Variants in RPS6KA2 observed in about 807,000 individuals in gnomAD.
RPS6KA2 encodes ribosomal protein S6 kinase A2.
Under a neutral mutation model 91.8 loss-of-function variants are expected in RPS6KA2, and 42 were observed. The observed-to-expected ratio is 0.46, with a 90% CI of 0.36 to 0.59. RPS6KA2 has a LOEUF of 0.59. Ranked by LOEUF, RPS6KA2 falls within the 20% of genes least tolerant of loss-of-function variation. The probability of loss-of-function intolerance (pLI) is 0.00; values close to 1 mark genes in which losing one functional copy is unlikely to be tolerated. For synonymous variants in RPS6KA2, 414 were observed against 393.6 expected (o/e 1.05, Z -0.61); for missense variants, 798 against 978.5 (o/e 0.82, Z 2.46).
intron 2 of RPS6KA2, among the ~76,000 whole-genome samples, chr6:166,812,761 T>C (rs558759153): frequency 5.8e-4 from 89 of 152,358 alleles, no homozygotes; most frequent in African/African-American, 2.0e-3. Context: ...AGTGACCTCA[T>C]GAGAAGATCA....
chr6:166,773,886 T>C (rs1052101879), intron 2 of RPS6KA2, among the ~76,000 whole-genome samples: 3 of 152,206 alleles, frequency 2.0e-5, no homozygotes, highest in African/African-American at 7.2e-5. Context: ...GGGTATTCCG[T>C]GAAGAGGACA....
At chr6:166,707,319 G>C (rs867360513) in intron 2 of RPS6KA2, among the ~76,000 whole-genome samples, 16 of 152,220 alleles carry the variant, frequency 1.1e-4, no homozygotes, top group Non-Finnish European at 4.4e-5. Flanking sequence ...CACACGGTTA[G>C]GGAGCTCCAA....
intron 1 of RPS6KA2, among the ~76,000 whole-genome samples, chr6:166,547,659 T>G (rs567005982): frequency 3.3e-5 from 5 of 152,242 alleles, no homozygotes; most frequent in Non-Finnish European, 7.3e-5. Context: ...ATGGCACGTG[T>G]GCAGCACGAG....
intron 1 of RPS6KA2, among the ~76,000 whole-genome samples, chr6:166,583,147 G>T (rs1785070957): frequency 1.3e-5 from 2 of 152,158 alleles, no homozygotes; most frequent in South Asian, 4.1e-4. Flanking sequence ...TACTTTTCAA[G>T]GTATCATATT....
chr6:166,596,650 G>A (rs1785544043), intron 1 of RPS6KA2, among the ~76,000 whole-genome samples: 1 of 152,194 alleles, frequency 6.6e-6, no homozygotes, highest in South Asian at 2.1e-4. Context: ...GACTCAGACT[G>A]ATCCACCACT....
chr6:166,455,269 A>T (rs1284531644), intron 12 of RPS6KA2, among the ~76,000 whole-genome samples: 2 of 152,104 alleles, frequency 1.3e-5, no homozygotes, highest in Non-Finnish European at 1.5e-5. Flanking sequence ...TTTTGGGGAC[A>T]ACGGTTATGA....
intron 12 of RPS6KA2, among the ~76,000 whole-genome samples, chr6:166,458,474 A>G (rs1780173407): frequency 2.0e-5 from 3 of 152,220 alleles, no homozygotes; most frequent in African/African-American, 7.2e-5. Context: ...CTTTTGAAAA[A>G]TTGCCCAGTC....
intron 2 of RPS6KA2, among the ~76,000 whole-genome samples, chr6:166,772,602 G>A (rs1229612155): frequency 6.6e-6 from 1 of 152,120 alleles, no homozygotes; most frequent in African/African-American, 2.4e-5. Context: ...ATACCTAATA[G>A]CATGAAAATC....
intron 2 of RPS6KA2, among the ~76,000 whole-genome samples, chr6:166,762,167 C>G (rs899932830): frequency 7.2e-5 from 11 of 152,152 alleles, no homozygotes; most frequent in Non-Finnish European, 1.2e-4. Flanking sequence ...AACTGAGGCC[C>G]AAAGAGGCCA....
intron 1 of RPS6KA2, among the ~76,000 whole-genome samples, chr6:166,606,537 T>C (rs1351339959): frequency 1.3e-5 from 2 of 152,118 alleles, no homozygotes; most frequent in Admixed American, 6.5e-5. Flanking sequence ...AACAATACCA[T>C]CAAGAAAATG....
chr6:166,646,947 C>A (rs1787624742), intron 2 of RPS6KA2, among the ~76,000 whole-genome samples: 1 of 152,194 alleles, frequency 6.6e-6, no homozygotes, highest in Non-Finnish European at 1.5e-5. Context: ...CAGCTGCTCG[C>A]ATTCCCACTC....
chr6:166,768,505 T>C (rs1244941208), intron 2 of RPS6KA2, among the ~76,000 whole-genome samples: 2 of 152,156 alleles, frequency 1.3e-5, no homozygotes, highest in African/African-American at 4.8e-5. Context: ...CTGCCTCTGC[T>C]TCAGAGGCTG....
chr6:166,772,128 G>GCATGTATGGTGAGCCTATGT lies in RPS6KA2; in HGVS notation c.123+86071_123+86072insACATAGGCTCACCATACATG, dbSNP rs1562430499. Among the ~76,000 whole-genome samples the GCATGTATGGTGAGCCTATGT allele has an allele frequency of 2.5e-3, 368 of 145,982 alleles. 1 individual carries two copies. The highest frequency in any genetic ancestry group is 9.8e-3 in the African/African-American group (350 of 35,746). On this transcript the variant is annotated intron_variant, in intron 2 of 21. Transcript: ENST00000503859. ...TTATGTACCTGTTTGTATTGTACTG[G>GCATGTATGGTGAGCCTATGT]GCATGTATGGTGAGCCTATGTGGGG...
In RPS6KA2 at chr6:166,544,324, C is replaced by T. The variant is rs370394859; in HGVS notation, c.100-5540G>A. Among the ~76,000 whole-genome samples the T allele has an allele frequency of 5.9e-5, 9 of 152,266 alleles. No homozygotes were observed. In the East Asian group the frequency reaches 1.2e-3, roughly 20 times the overall value. On this transcript the variant is annotated intron_variant, in intron 1 of 20. Coordinates refer to ENST00000265678, the MANE Select transcript of RPS6KA2 (RefSeq NM_021135.6). ...GCCTCTTCCGGAAAAGAAAGACAGC[C>T]GCAGACTTGCTGAGAAGAGTAGAGG...
intron 13 of RPS6KA2, among the ~76,000 whole-genome samples, chr6:166,450,140 A>AG: frequency 7.2e-6 from 1 of 138,880 alleles, no homozygotes; most frequent in Non-Finnish European, 1.6e-5. Flanking sequence ...CCACCATGGG[A>AG]ACCACCACAG....
At chr6:166,607,387 T>C (rs1785991623) in intron 1 of RPS6KA2, among the ~76,000 whole-genome samples, 1 of 149,796 alleles carries the variant, frequency 6.7e-6, no homozygotes, top group Non-Finnish European at 1.5e-5. Context: ...ACAACCCAAA[T>C]GTCTATCAAC....
At chr6:166,838,340 G>T (rs1780372839) in intron 2 of RPS6KA2, among the ~76,000 whole-genome samples, 1 of 152,218 alleles carries the variant, frequency 6.6e-6, no homozygotes, top group African/African-American at 2.4e-5. Context: ...AAGGATGAGA[G>T]TGTCAGCGTG....
At chr6:166,549,243 A>G (rs1274723850) in intron 1 of RPS6KA2, among the ~76,000 whole-genome samples, 2 of 152,260 alleles carry the variant, frequency 1.3e-5, no homozygotes, top group Non-Finnish European at 1.5e-5. Context: ...TGTTCCAGCC[A>G]TTGTAGAAAA....
intron 1 of RPS6KA2, chr6:166,544,784 A>T (rs1164789697): frequency 1.3e-5 from 2 of 152,134 alleles, no homozygotes; most frequent in Non-Finnish European, 2.9e-5. Context: ...TGCTGGTGTG[A>T]GCAAATGTGA....
Sources: gnomAD v4.1 joint callset for allele counts (sites outside exome capture counted in the v4.1 genomes callset) on GRCh38, gnomAD v4.1.1 for gene constraint, MANE v1.5 for transcripts, NCBI Gene and HGNC (gene_info 2026-07-23, HGNC 2026-07-21) for gene names.